Variants in RABGAP1 observed in about 807,000 individuals in gnomAD.
The protein encoded by RABGAP1 is rab GTPase-activating protein 1.
RABGAP1 carries 23 observed loss-of-function variants against 137.6 expected under a neutral mutation model. That is an observed-to-expected ratio of 0.17 (90% CI 0.12 to 0.24). RABGAP1 has a LOEUF of 0.24. Ranked by LOEUF, RABGAP1 falls within the 10% of genes least tolerant of loss-of-function variation. RABGAP1 has a pLI of 1.00. For synonymous variants in RABGAP1, 451 were observed against 450.7 expected (o/e 1.00, Z -0.01); for missense variants, 906 against 1,275.8 (o/e 0.71, Z 4.42).
At chr9:122,969,271 G>C (rs780956563) in intron 2 of RABGAP1, among the ~76,000 whole-genome samples, 34 of 152,202 alleles carry the variant, frequency 2.2e-4, no homozygotes, top group Non-Finnish European at 3.8e-4. Flanking sequence ...TGTATAGTGG[G>C]CTATGCTTCC....
intron 4 of RABGAP1, 47 bp downstream of exon 4, chr9:122,986,466 G>A (rs1329858459): frequency 6.4e-7 from 1 of 1,560,440 alleles, no homozygotes; most frequent in South Asian, 1.1e-5. Context: ...TCAGATCTCT[G>A]ACCTGTTGCT....
Position 123,015,442 on chromosome 9 carries a change from C to T in RABGAP1, c.1550-101C>T. 4.6e-6 allele frequency: 3 copies of T among 650,044 alleles called. No homozygotes were observed. The South Asian group carries it at 6.9e-5, about 15-fold the overall frequency. The allele number at this position is 650,044 out of a possible 1,614,324, so 40.3% of individuals were successfully genotyped here. A position where few individuals can be genotyped will look rare whatever the true frequency, so the allele number is the denominator to read the frequency against. On this transcript the variant is annotated intron_variant, in intron 11 of 25. Transcript: ENST00000373647. ...AAAAGAGAGAAATTATGACTTTATG[C>T]TCCCAGTAAAGTCTTTCAAATTTGA...
intron 13 of RABGAP1, 26 bp from the exon 14 acceptor site, chr9:123,065,322 C>T (rs2034134592): frequency 6.7e-7 from 1 of 1,503,446 alleles, no homozygotes; most frequent in African/African-American, 1.4e-5. Context: ...CCTAACTAAA[C>T]CCTCTCTTTC....
At chr9:123,100,814 AAGCC>A (rs1186349993) in intron 24 of RABGAP1, among the ~76,000 whole-genome samples, 1 of 152,214 alleles carries the variant, frequency 6.6e-6, no homozygotes, top group African/African-American at 2.4e-5. Context: ...TAAGGGAAAA[AAGCC>A]CTTATGATCC....
chr9:123,041,395 A>T (rs1236422848), intron 13 of RABGAP1, among the ~76,000 whole-genome samples: 1 of 152,214 alleles, frequency 6.6e-6, no homozygotes, highest in Non-Finnish European at 1.5e-5. Context: ...TTTATAGGTG[A>T]GGAAACATAG....
At chr9:122,987,330 A>G (rs1461862011) in intron 4 of RABGAP1, among the ~76,000 whole-genome samples, 1 of 152,164 alleles carries the variant, frequency 6.6e-6, no homozygotes, top group Non-Finnish European at 1.5e-5. Context: ...CCAAAGATAC[A>G]TGCTTATTTA....
At chr9:122,981,011 TC>T (rs1264500642) in intron 2 of RABGAP1, among the ~76,000 whole-genome samples, 1 of 152,056 alleles carries the variant, frequency 6.6e-6, no homozygotes, top group Non-Finnish European at 1.5e-5. Context: ...ATCAGAATCA[TC>T]TGTGGAGGTT....
chr9:122,997,154 ATTC>A, intron 8 of RABGAP1, 102 bp from the exon 9 acceptor site: 1 of 754,046 alleles, frequency 1.3e-6, no homozygotes, highest in Admixed American at 2.8e-5. Flanking sequence ...CCTCTTCCAT[ATTC>A]TTATATTTTT....
rs1835450037 is a variant in RABGAP1, at chr9:122,971,169, C to T, written c.151-13316C>T. Among the ~76,000 whole-genome samples, 4 of 152,200 alleles carry T rather than the reference C, an allele frequency of 2.6e-5. No individual in the cohort carries two copies. In the South Asian group the frequency reaches 8.3e-4, roughly 31 times the overall value. Reference sequence around the variant, plus strand: ...GGATAGGGTAAAAATTCTACCTGTACTTCACAGGAAAGAACATAAGGAAAC... The same window carrying T: ...GGATAGGGTAAAAATTCTACCTGTATTTCACAGGAAAGAACATAAGGAAAC... On this transcript the variant is annotated intron_variant, in intron 2 of 25. Transcript: ENST00000373647.
chr9:122,943,407 G>A (rs1366299677), intron 1 of RABGAP1, among the ~76,000 whole-genome samples: 1 of 152,132 alleles, frequency 6.6e-6, no homozygotes, highest in Non-Finnish European at 1.5e-5. Flanking sequence ...TCAGTTTACA[G>A]TTAACGCATT....
At chr9:123,004,723 A>C (rs2030055780) in intron 10 of RABGAP1, among the ~76,000 whole-genome samples, 1 of 152,152 alleles carries the variant, frequency 6.6e-6, no homozygotes, top group Non-Finnish European at 1.5e-5. Flanking sequence ...TTTTATTTAC[A>C]GTAACAGTAA....
At chr9:123,020,048 T>G (rs887643895) in intron 12 of RABGAP1, among the ~76,000 whole-genome samples, 1 of 151,944 alleles carries the variant, frequency 6.6e-6, no homozygotes, top group Admixed American at 6.6e-5. Context: ...CTTTTTTTTT[T>G]TTTTTTTTTT....
Position 123,076,320 on chromosome 9 carries a change from A to G in RABGAP1, c.2295+34A>G, listed in dbSNP as rs375256029. On this transcript the variant is annotated intron_variant, in intron 18 of 25. Coordinates refer to ENST00000373647, the MANE Select transcript of RABGAP1 (RefSeq NM_012197.4). ...TTATTTATTAGCTGAGTTATCTGTC[A>G]TTCCCTGCTCTGCACTTGCAATACA... The G allele has an allele frequency of 2.5e-6, 4 of 1,584,958 alleles. No homozygotes were observed. In the African/African-American group the frequency reaches 5.4e-5, roughly 21 times the overall value.
At chr9:123,072,161 G>C (rs1038442545) in intron 15 of RABGAP1, among the ~76,000 whole-genome samples, 14 of 152,164 alleles carry the variant, frequency 9.2e-5, no homozygotes, top group Non-Finnish European at 2.1e-4. Context: ...AATCCAAAGT[G>C]TTCCAATGAG....
chr9:122,960,261 T>G (rs1407258325), intron 2 of RABGAP1, among the ~76,000 whole-genome samples: 1 of 152,242 alleles, frequency 6.6e-6, no homozygotes, highest in East Asian at 1.9e-4. Flanking sequence ...ATACCCAAGT[T>G]TGATTGACTT....
chr9:122,981,592 T>A (rs1397285220), intron 2 of RABGAP1, among the ~76,000 whole-genome samples: 1 of 152,190 alleles, frequency 6.6e-6, no homozygotes. Context: ...ACTTAGTTAA[T>A]TGGAAACTCA....
chr9:123,063,411 T>C (rs950340319), intron 13 of RABGAP1: 1 of 152,692 alleles, frequency 6.5e-6, no homozygotes, highest in Admixed American at 6.5e-5. Flanking sequence ...TTCAGTTCTC[T>C]TTGGTAAATA....
intron 13 of RABGAP1, chr9:123,035,378 A>G (rs747490088): frequency 6.2e-6 from 10 of 1,613,888 alleles, no homozygotes; most frequent in East Asian, 2.2e-5. Context: ...TATATCATCT[A>G]CTTCTTGTTG....
At chr9:123,021,493 T>C (rs2031637603) in intron 13 of RABGAP1, among the ~76,000 whole-genome samples, 1 of 152,056 alleles carries the variant, frequency 6.6e-6, no homozygotes, top group African/African-American at 2.4e-5. Flanking sequence ...CTAATTTTTG[T>C]AATTTTAGTA....
Sources: gnomAD v4.1 joint callset for allele counts (sites outside exome capture counted in the v4.1 genomes callset) on GRCh38, gnomAD v4.1.1 for gene constraint, MANE v1.5 for transcripts, NCBI Gene and HGNC (gene_info 2026-07-23, HGNC 2026-07-21) for gene names.